The following STXBP6 variants were observed in gnomAD, a reference collection of about 807,000 sequenced individuals.
STXBP6 encodes syntaxin binding protein 6, also known as syntaxin-binding protein 6.
STXBP6 carries 21 observed loss-of-function variants against 26.9 expected under a neutral mutation model. The observed-to-expected ratio is 0.78, with a 90% CI of 0.55 to 1.12. The LOEUF (loss-of-function observed/expected upper bound fraction) is 1.12, where lower values mean the gene tolerates loss of function less well. STXBP6 is among the 50% of genes most tolerant of loss of function. The pLI is 0.00. For missense variants in STXBP6, 232 were observed against 257.9 expected, an observed-to-expected ratio of 0.90 and a Z score of 0.69; for synonymous variants, 97 against 92.6, an observed-to-expected ratio of 1.05 and a Z score of -0.27.
intron 4 of STXBP6, among the ~76,000 whole-genome samples, chr14:24,850,618 C>T (rs559860787): frequency 6.6e-6 from 1 of 152,246 alleles, no homozygotes; most frequent in African/African-American, 2.4e-5. Flanking sequence ...CATCCTTTAA[C>T]CTCCAGCTCA....
At chr14:24,970,028 G>T (rs768637517) in intron 2 of STXBP6, among the ~76,000 whole-genome samples, 1 of 152,168 alleles carries the variant, frequency 6.6e-6, no homozygotes, top group South Asian at 2.1e-4. Flanking sequence ...GATGGCCTGA[G>T]GTCGGGAACT....
At chr14:24,935,190 T>C (rs2139938580) in intron 2 of STXBP6, among the ~76,000 whole-genome samples, 1 of 152,304 alleles carries the variant, frequency 6.6e-6, no homozygotes, top group African/African-American at 2.4e-5. Flanking sequence ...GTGGGATCAT[T>C]AGATACACTC....
intron 2 of STXBP6, among the ~76,000 whole-genome samples, chr14:24,894,544 T>A (rs2070914516): frequency 6.6e-6 from 1 of 152,188 alleles, no homozygotes; most frequent in South Asian, 2.1e-4. Context: ...TTAATGCTGA[T>A]GAGAAGAGCC....
At position 24,960,334 on chromosome 14, in the gene STXBP6, A is replaced by G. The variant is rs188513208; in HGVS notation, c.154+14331T>C. ...GCAGCAAAGGTTTCTACCTCTTAGG[A>G]CTCTAGCCTGGGGTCTCTAACCATG... On this transcript the variant is annotated intron_variant, in intron 2 of 5. Transcript: ENST00000323944. Among the ~76,000 whole-genome samples the G allele has an allele frequency of 1.2e-3, 178 of 152,202 alleles. 1 individual carries two copies. The highest frequency in any genetic ancestry group is 2.1e-3 in the Non-Finnish European group (141 of 68,018).
intron 2 of STXBP6, among the ~76,000 whole-genome samples, chr14:24,973,975 G>A (rs1249847008): frequency 6.6e-6 from 1 of 151,922 alleles, no homozygotes; most frequent in East Asian, 1.9e-4. Flanking sequence ...TATCACAAAT[G>A]CTCCATGTGT....
At chr14:24,874,289 T>G (rs1226077236) in intron 2 of STXBP6, among the ~76,000 whole-genome samples, 1 of 152,082 alleles carries the variant, frequency 6.6e-6, no homozygotes, top group Non-Finnish European at 1.5e-5. Context: ...GGATAGTCAC[T>G]CAGATTCTGA....
chr14:24,907,096 T>C (rs544717724), intron 2 of STXBP6, among the ~76,000 whole-genome samples: 5 of 152,272 alleles, frequency 3.3e-5, no homozygotes, highest in African/African-American at 1.2e-4. Flanking sequence ...TGTTCTAGTG[T>C]TTTATAAACA....
intron 2 of STXBP6, among the ~76,000 whole-genome samples, chr14:24,881,245 T>G (rs553592098): frequency 2.6e-5 from 4 of 152,164 alleles, no homozygotes; most frequent in Non-Finnish European, 2.9e-5. Context: ...CTATACTTTC[T>G]TGGAACTCCA....
intron 1 of STXBP6, among the ~76,000 whole-genome samples, chr14:25,036,870 A>AG (rs1490218733): frequency 6.6e-6 from 1 of 151,914 alleles, no homozygotes; most frequent in Non-Finnish European, 1.5e-5. Flanking sequence ...AAAAAAAAAA[A>AG]AAAAAGAAAT....
rs138056090 is a variant in STXBP6, at chr14:25,027,498, G to A, written c.-33+22380C>T. Among the ~76,000 whole-genome samples, 814 of 151,966 alleles carry A rather than the reference G, an allele frequency of 5.4e-3. 10 individuals are homozygous for A. Among genetic ancestry groups the A allele is most frequent in the African/African-American group, 0.019 (779 of 41,414 alleles). On this transcript the variant is annotated intron_variant, in intron 1 of 5. Transcript: ENST00000323944. The stretch of plus-strand genomic sequence containing the variant: ...GCCCTGTCCCGGTCTCTATCCCTTC[G>A]TCTGAACTCTATCAATAAATGTATG...
intron 2 of STXBP6, among the ~76,000 whole-genome samples, chr14:24,900,614 A>C (rs1350491667): frequency 1.3e-5 from 2 of 152,224 alleles, no homozygotes; most frequent in Non-Finnish European, 2.9e-5. Context: ...AAAGTTCTAC[A>C]AAATTATTCC....
At chr14:25,039,800 G>C (rs2075613597) in intron 1 of STXBP6, among the ~76,000 whole-genome samples, 1 of 151,640 alleles carries the variant, frequency 6.6e-6, no homozygotes, top group Non-Finnish European at 1.5e-5. Flanking sequence ...TCTGCCTCCT[G>C]GGTTCGAGCA....
At chr14:24,950,891 C>T (rs114971610) in intron 2 of STXBP6, among the ~76,000 whole-genome samples, 115 of 152,250 alleles carry the variant, frequency 7.6e-4, no homozygotes, top group African/African-American at 2.7e-3. Flanking sequence ...ATCCCTCCCC[C>T]AGTCCCCTTC....
chr14:25,030,402 A>C (rs1289371261), intron 1 of STXBP6, among the ~76,000 whole-genome samples: 1 of 152,172 alleles, frequency 6.6e-6, no homozygotes, highest in African/African-American at 2.4e-5. Context: ...CCTTTATTCT[A>C]CTACAAGCCT....
At chr14:24,823,167 T>G (rs2068186896) in intron 4 of STXBP6, among the ~76,000 whole-genome samples, 1 of 152,160 alleles carries the variant, frequency 6.6e-6, no homozygotes. Context: ...CCACTTAATG[T>G]GTGCTTTTAA....
chr14:24,974,227 A>G (rs1329579110), intron 2 of STXBP6, among the ~76,000 whole-genome samples: 1 of 152,208 alleles, frequency 6.6e-6, no homozygotes, highest in Non-Finnish European at 1.5e-5. Context: ...ATAAGGTGCC[A>G]ATATTTATCT....
chr14:24,916,413 T>C (rs2071766319), intron 2 of STXBP6, among the ~76,000 whole-genome samples: 1 of 152,142 alleles, frequency 6.6e-6, no homozygotes, highest in African/African-American at 2.4e-5. Context: ...GACATCACTG[T>C]GACATCATCA....
intron 1 of STXBP6, among the ~76,000 whole-genome samples, chr14:25,011,359 C>T (rs1017052542): frequency 1.2e-4 from 19 of 152,274 alleles, no homozygotes; most frequent in African/African-American, 2.9e-4. Flanking sequence ...TGGAAAAATA[C>T]TCAAGGATAT....
intron 4 of STXBP6, among the ~76,000 whole-genome samples, chr14:24,832,140 T>C (rs761744929): frequency 4.5e-4 from 69 of 152,344 alleles, no homozygotes; most frequent in African/African-American, 1.5e-3. Flanking sequence ...CTTCGCCCCA[T>C]TGAGCATGTA....
Sources: gnomAD v4.1 joint callset for allele counts (sites outside exome capture counted in the v4.1 genomes callset) on GRCh38, gnomAD v4.1.1 for gene constraint, MANE v1.5 for transcripts, NCBI Gene and HGNC (gene_info 2026-07-23, HGNC 2026-07-21) for gene names.